Variants in SCAMP5 observed in about 807,000 individuals in gnomAD.
SCAMP5 encodes secretory carrier-associated membrane protein 5.
A neutral mutation model predicts 28.3 loss-of-function variants in SCAMP5; 7 were observed. The ratio of observed to expected loss-of-function variants is 0.25; its 90% CI spans 0.14 to 0.46. SCAMP5 has a LOEUF of 0.46. SCAMP5 is among the 20% of genes least tolerant of loss of function. The pLI is 0.99. For synonymous variants in SCAMP5, 117 were observed against 116.4 expected, an observed-to-expected ratio of 1.00 and a Z score of -0.03; for missense variants, 192 against 312.5, an observed-to-expected ratio of 0.61 and a Z score of 2.91.
At position 75,019,795 on chromosome 15, in the gene SCAMP5, G is replaced by A. The variant is rs2065890688; in HGVS notation, c.*812G>A. 6.6e-6 allele frequency: 1 copy of A among 152,666 alleles called. No individual in the cohort carries two copies. The highest frequency in any genetic ancestry group is 2.4e-5 in the African/African-American group (1 of 41,446). The allele number at this position is 152,666 out of a possible 1,614,324, so 9.5% of individuals were successfully genotyped here. ...TGATGTAGGAGGGGCACACAGCTGG[G>A]GGTGCAGAGCCCACCTGGGTACCTG... On this transcript the variant is annotated 3_prime_UTR_variant, in exon 7 of 7. Coordinates refer to ENST00000425597, the MANE Select transcript of SCAMP5 (RefSeq NM_138967.4).
chr15:75,007,591 G>C (rs1198957716), intron 1 of SCAMP5: 1 of 152,094 alleles, frequency 6.6e-6, no homozygotes, highest in Non-Finnish European at 1.5e-5. Context: ...TTTTGAGACG[G>C]AGTCTTGCTC....
At chr15:75,001,869 CAAAAAAAAA>C (rs769760180) in intron 1 of SCAMP5, among the ~76,000 whole-genome samples, 9,816 of 40,288 alleles carry the variant, frequency 0.24, 519 homozygotes, top group Middle Eastern at 0.5. Context: ...GACTCGGTCT[CAAAAAAAAA>C]AAAAAAAAAA....
Position 75,018,295 on chromosome 15 carries a change from T to G in SCAMP5, c.396-123T>G. The G allele has an allele frequency of 4.0e-6, 3 of 744,798 alleles. No homozygotes were observed. In the South Asian group the frequency reaches 4.3e-5, roughly 11 times the overall value. 46.1% of individuals were successfully genotyped at this position (744,798 alleles called of 1,614,324 possible). ...ACAGGTTCTTTGGGTATCAGTAAGA[T>G]GGTCCCTCTGCATCCAGTGATATGT... On this transcript the variant is annotated intron_variant, in intron 5 of 6. Coordinates refer to ENST00000425597, the MANE Select transcript of SCAMP5 (RefSeq NM_138967.4). The surrounding 1 kb of genome is among the most constrained non-coding windows in gnomAD (Gnocchi z 5.6).
At chr15:75,005,581 T>G (rs2065749518) in intron 1 of SCAMP5, among the ~76,000 whole-genome samples, 1 of 152,240 alleles carries the variant, frequency 6.6e-6, no homozygotes, top group Admixed American at 6.5e-5. Context: ...CATTAACATT[T>G]GTCTCGTAGA....
At chr15:75,016,046 G>A (rs934400765) in intron 3 of SCAMP5, among the ~76,000 whole-genome samples, 4 of 152,084 alleles carry the variant, frequency 2.6e-5, no homozygotes, top group South Asian at 2.1e-4. Context: ...TTTCCACAAG[G>A]CCTTTTATTT....
intron 1 of SCAMP5, among the ~76,000 whole-genome samples, chr15:74,999,961 GA>G (rs1434077868): frequency 2.6e-5 from 4 of 152,186 alleles, no homozygotes; most frequent in Admixed American, 1.3e-4. Context: ...AGATATTGTT[GA>G]GTGGAAAAAA....
chr15:75,012,583 G>C (rs572087846), intron 2 of SCAMP5, 94 bp from the exon 3 acceptor site: 7 of 1,469,316 alleles, frequency 4.8e-6, no homozygotes, highest in African/African-American at 2.8e-5. Flanking sequence ...GGCCACAGGG[G>C]CCAATGGGGC....
intron 3 of SCAMP5, 181 bp downstream of exon 3, chr15:75,012,986 C>T (rs1405789718): frequency 1.6e-6 from 1 of 613,184 alleles, no homozygotes. Context: ...TGGGCCACCT[C>T]CCCGACTGGG....
At position 74,995,621 on chromosome 15, in the gene SCAMP5, A is replaced by G. The variant is rs773149265; in HGVS notation, c.-101A>G. 2.7e-3 allele frequency: 407 copies of G among 148,930 alleles called. 2 individuals carry two copies. Among genetic ancestry groups the G allele is most frequent in the African/African-American group, 9.5e-3 (391 of 41,082 alleles). The allele number at this position is 148,930 out of a possible 1,614,324, so 9.2% of individuals were successfully genotyped here. On this transcript the variant is annotated 5_prime_UTR_variant, in exon 1 of 7. Coordinates refer to ENST00000425597, the MANE Select transcript of SCAMP5 (RefSeq NM_138967.4). ...GCTCCGCGCCGCATCGCTCGGGTGC[A>G]GCGCAGCTCAGCGCAGCGCTGCGGC...
In SCAMP5 at chr15:75,018,070, G is replaced by C; in HGVS notation, c.395+99G>C. On this transcript the variant is annotated intron_variant, in intron 5 of 6. Transcript: ENST00000425597. The surrounding 1 kb of genome is among the most constrained non-coding windows in gnomAD (Gnocchi z 5.6). The stretch of plus-strand genomic sequence containing the variant: ...CTAAGCTGTCTAGCCTATGGGGCCT[G>C]AGTGATGGGTTGTTGGGAGAGTGAG... 1 of 745,896 alleles carries C rather than the reference G, an allele frequency of 1.3e-6. No homozygotes were observed. The highest frequency in any genetic ancestry group is 2.4e-5 in the East Asian group (1 of 40,842). 46.2% of individuals were successfully genotyped at this position (745,896 alleles called of 1,614,324 possible).
intron 1 of SCAMP5, among the ~76,000 whole-genome samples, chr15:75,001,484 G>C (rs1319613505): frequency 6.6e-6 from 1 of 151,244 alleles, no homozygotes; most frequent in Admixed American, 6.6e-5. Context: ...CTCTATCACA[G>C]AGAAAATTGG....
chr15:75,009,440 T>TG lies in SCAMP5; in HGVS notation c.-48-2352_-48-2351insG, dbSNP rs1309998650. ...AAGAATTTGACTGGAATGCTAGAAG[T>TG]TTGTGTGTGTGTGTGTGTGTGTGTG... On this transcript the variant is annotated intron_variant, in intron 1 of 6. Coordinates refer to ENST00000425597, the MANE Select transcript of SCAMP5 (RefSeq NM_138967.4). 2.6e-4 allele frequency among the ~76,000 whole-genome samples: 36 copies of TG among 137,290 alleles called. 1 individual carries two copies. Among genetic ancestry groups the TG allele is most frequent in the South Asian group, 1.2e-3 (5 of 4,134 alleles). The allele number at this position is 137,290 out of a possible 152,430, so 90.1% of individuals were successfully genotyped here.
chr15:74,998,525 G>A (rs548925679), intron 1 of SCAMP5, among the ~76,000 whole-genome samples: 1 of 151,278 alleles, frequency 6.6e-6, no homozygotes, highest in South Asian at 2.1e-4. Context: ...AGAATAGTTC[G>A]AACTTGGGTG....
chr15:75,018,372 G>A lies in SCAMP5; in HGVS notation c.396-46G>A. On this transcript the variant is annotated intron_variant, in intron 5 of 6. Transcript: ENST00000425597. This position sits in a 1 kb window ranked among gnomAD's most constrained non-coding sequence, Gnocchi z 5.6. ...CCTTCCTCTAGCGGGGGGCTCCTGG[G>A]CACCTCTTATCCTGCCCGCAGCCCC... 1 of 1,218,480 alleles carries A rather than the reference G, an allele frequency of 8.2e-7. No homozygotes were observed. Among genetic ancestry groups the A allele is most frequent in the South Asian group, 1.2e-5 (1 of 83,436 alleles). 75.5% of individuals were successfully genotyped at this position (1,218,480 alleles called of 1,614,324 possible). A position where few individuals can be genotyped will look rare whatever the true frequency, so the allele number is the denominator to read the frequency against.
chr15:75,016,468 G>A (rs1321668152), intron 3 of SCAMP5, 125 bp from the exon 4 acceptor site: 18 of 827,794 alleles, frequency 2.2e-5, no homozygotes, highest in Non-Finnish European at 2.9e-5. Flanking sequence ...TGCGCTGTTG[G>A]CCTGGCTTGA....
intron 2 of SCAMP5, 98 bp from the exon 3 acceptor site, chr15:75,012,579 A>C: frequency 7.0e-7 from 1 of 1,427,108 alleles, no homozygotes. Flanking sequence ...CGGTGGCCAC[A>C]GGGGCCAATG....
chr15:75,001,334 A>G (rs969093273), intron 1 of SCAMP5, among the ~76,000 whole-genome samples: 3 of 151,468 alleles, frequency 2.0e-5, no homozygotes, highest in Non-Finnish European at 2.9e-5. Flanking sequence ...GACTCCTGTA[A>G]GACAGACCAG....
At chr15:75,016,867 C>T in intron 4 of SCAMP5, 118 bp downstream of exon 4, 1 of 964,044 alleles carries the variant, frequency 1.0e-6, no homozygotes, top group Non-Finnish European at 1.5e-6. Context: ...ACTCACTTTC[C>T]CTTGCTCACC....
intron 3 of SCAMP5, among the ~76,000 whole-genome samples, chr15:75,013,366 T>A (rs1426396193): frequency 2.0e-5 from 3 of 152,318 alleles, no homozygotes; most frequent in East Asian, 3.9e-4. Context: ...TGGCGATTGC[T>A]GTGGTTCCAT....
Sources: allele counts gnomAD v4.1 joint callset (sites outside exome capture counted in the v4.1 genomes callset), GRCh38; gene constraint gnomAD v4.1.1; non-coding constraint Gnocchi (gnomAD v3.1); transcripts MANE v1.5; gene names NCBI Gene and HGNC (gene_info 2026-07-23, HGNC 2026-07-21).